The following UBE3D variants were observed in gnomAD, a reference collection of about 807,000 sequenced individuals.
UBE3D encodes E3 ubiquitin-protein ligase E3D.
In UBE3D, 48 loss-of-function variants were observed where a neutral mutation model predicts 49.6. The observed-to-expected ratio is 0.97, with a 90% CI of 0.77 to 1.23. The LOEUF is 1.23. Among genes scored for constraint, UBE3D ranks in the 50% most tolerant of loss-of-function variants. The probability of loss-of-function intolerance (pLI) is 0.00; values close to 1 mark genes in which losing one functional copy is unlikely to be tolerated. For missense variants in UBE3D, 452 were observed against 468.4 expected, an observed-to-expected ratio of 0.96 and a Z score of 0.32; for synonymous variants, 189 against 174.2, an observed-to-expected ratio of 1.08 and a Z score of -0.67.
chr6:82,952,939 C>T (rs1335479700), intron 9 of UBE3D, among the ~76,000 whole-genome samples: 1 of 152,166 alleles, frequency 6.6e-6, no homozygotes, highest in East Asian at 1.9e-4. Flanking sequence ...TACATAGTTG[C>T]CATTAAAACC....
intron 5 of UBE3D, among the ~76,000 whole-genome samples, chr6:83,029,261 A>C (rs1781696951): frequency 6.6e-6 from 1 of 152,078 alleles, no homozygotes; most frequent in Non-Finnish European, 1.5e-5. Flanking sequence ...GGAACACCTG[A>C]TATTGTCCCA....
At chr6:83,030,118 G>A (rs1781762468) in intron 5 of UBE3D, among the ~76,000 whole-genome samples, 1 of 151,988 alleles carries the variant, frequency 6.6e-6, no homozygotes, top group East Asian at 1.9e-4. Context: ...GTTGTGTTAG[G>A]GCAGAGAAGT....
At chr6:82,958,092 T>C (rs1036812338) in intron 8 of UBE3D, among the ~76,000 whole-genome samples, 2 of 152,180 alleles carry the variant, frequency 1.3e-5, no homozygotes, top group Non-Finnish European at 2.9e-5. Flanking sequence ...GCGGAACCTA[T>C]TTGAAAATCC....
intron 8 of UBE3D, among the ~76,000 whole-genome samples, 179 bp from the exon 9 acceptor site, chr6:82,957,629 T>C (rs1479481280): frequency 6.6e-6 from 1 of 152,206 alleles, no homozygotes; most frequent in African/African-American, 2.4e-5. Flanking sequence ...GTTGTTGATA[T>C]AAAGCAGATG....
At chr6:82,997,499 C>A (rs962112216) in intron 8 of UBE3D, among the ~76,000 whole-genome samples, 21 of 152,038 alleles carry the variant, frequency 1.4e-4, no homozygotes, top group Admixed American at 1.3e-3. Context: ...GCGGGAGGAT[C>A]ACAAGGTCAG....
In UBE3D at chr6:83,023,971, T is replaced by C. The variant is rs1203972988; in HGVS notation, c.735A>G (p.Pro245=). ...QSSERSFPII[P]RSWFVQSVIA... ...TAAATGTAATTTGCTATTTGTACCT[T>C]GGTATGATAGGAAAACTCCTCTCAG... The change falls in exon 6 of 10, where the codon CCA becomes CCG. Residue 245 remains proline, a splice_region_variant and synonymous_variant. Transcript: ENST00000369747. 7 of 1,520,282 alleles carry C rather than the reference T, an allele frequency of 4.6e-6. No homozygotes were observed. The highest frequency in any genetic ancestry group is 2.4e-5 in the East Asian group (1 of 41,668). The allele number at this position is 1,520,282 out of a possible 1,614,324, so 94.2% of individuals were successfully genotyped here.
intron 9 of UBE3D, chr6:82,924,708 C>T (rs1289868341): frequency 6.6e-6 from 1 of 152,124 alleles, no homozygotes; most frequent in Non-Finnish European, 1.5e-5. Flanking sequence ...TAAATAACAT[C>T]ATTTGTTTCC....
chr6:82,953,692 T>A (rs550062004), intron 9 of UBE3D, among the ~76,000 whole-genome samples: 100 of 152,220 alleles, frequency 6.6e-4, no homozygotes, highest in Non-Finnish European at 1.3e-3. Flanking sequence ...CTAAGTTCTG[T>A]TGGCACAATA....
At chr6:83,058,207 C>A (rs1783939263) in intron 1 of UBE3D, among the ~76,000 whole-genome samples, 185 bp from the exon 2 acceptor site, 1 of 152,180 alleles carries the variant, frequency 6.6e-6, no homozygotes, top group South Asian at 2.1e-4. Context: ...TAGATCTGAT[C>A]AGAGTGCCCT....
At chr6:83,018,733 C>G in intron 8 of UBE3D, 1 of 457,146 alleles carries the variant, frequency 2.2e-6, no homozygotes, top group Non-Finnish European at 3.8e-6. Flanking sequence ...TATGTACAGA[C>G]AGCTTAGATT....
chr6:82,936,874 T>C (rs1348713008), intron 9 of UBE3D, among the ~76,000 whole-genome samples: 2 of 152,188 alleles, frequency 1.3e-5, no homozygotes, highest in Non-Finnish European at 2.9e-5. Flanking sequence ...TCTGTGAAAC[T>C]TTCAACTACT....
chr6:82,957,011 C>T (rs1214784190), intron 9 of UBE3D, among the ~76,000 whole-genome samples: 1 of 152,000 alleles, frequency 6.6e-6, no homozygotes, highest in Non-Finnish European at 1.5e-5. Context: ...CACCTGTAGT[C>T]CCAGCTACTC....
chr6:82,911,451 T>A (rs1250048980), intron 9 of UBE3D, among the ~76,000 whole-genome samples: 2 of 152,074 alleles, frequency 1.3e-5, no homozygotes, highest in East Asian at 3.9e-4. Flanking sequence ...CAATAACTGG[T>A]TTTTGTTGTT....
chr6:83,025,189 A>G (rs898079815), intron 5 of UBE3D, among the ~76,000 whole-genome samples: 13 of 152,186 alleles, frequency 8.5e-5, no homozygotes, highest in Non-Finnish European at 1.5e-4. Flanking sequence ...TCCTACCTGA[A>G]AAGGGGTTTT....
intron 9 of UBE3D, among the ~76,000 whole-genome samples, chr6:82,917,483 C>T (rs547132926): frequency 6.6e-6 from 1 of 152,270 alleles, no homozygotes; most frequent in East Asian, 1.9e-4. Flanking sequence ...AGGTAGCTAG[C>T]TACATGCCGA....
chr6:82,883,795 A>G, the UBE3D span, among the ~76,000 whole-genome samples: 1 of 152,224 alleles, frequency 6.6e-6, no homozygotes, highest in Non-Finnish European at 1.5e-5. Flanking sequence ...AAACTAAAAG[A>G]GAACAAGAAT....
chr6:83,060,491 T>G (rs530122156), intron 1 of UBE3D, among the ~76,000 whole-genome samples: 253 of 152,368 alleles, frequency 1.7e-3, no homozygotes, highest in African/African-American at 5.8e-3. Flanking sequence ...TACATAGGTA[T>G]GTAGGCACAA....
At chr6:83,032,228 G>A (rs1480825959) in intron 5 of UBE3D, 1 of 456,162 alleles carries the variant, frequency 2.2e-6, no homozygotes, top group Non-Finnish European at 4.4e-6. Context: ...GAAAGAAGCT[G>A]GGTGGGGCCG....
chr6:82,883,321 T>C, the UBE3D span, among the ~76,000 whole-genome samples: 1 of 152,148 alleles, frequency 6.6e-6, no homozygotes, highest in South Asian at 2.1e-4. Flanking sequence ...ATAAACATTT[T>C]GTAAGAATGG....
Sources: gnomAD v4.1 joint callset for allele counts (sites outside exome capture counted in the v4.1 genomes callset) on GRCh38, gnomAD v4.1.1 for gene constraint, MANE v1.5 for transcripts, NCBI Gene and HGNC (gene_info 2026-07-23, HGNC 2026-07-21) for gene names.